The following GALNT9 variants were observed in gnomAD, a reference collection of about 807,000 sequenced individuals.
GALNT9 encodes the protein GalNAc transferase 9.
Under a neutral mutation model 63.1 loss-of-function variants are expected in GALNT9, and 47 were observed. That is an observed-to-expected ratio of 0.75 (90% CI 0.59 to 0.95). The LOEUF is 0.95. Ranked by LOEUF, GALNT9 falls within the 40% of genes least tolerant of loss-of-function variation. The pLI is 0.00. For missense variants in GALNT9, 829 were observed against 874.8 expected, an observed-to-expected ratio of 0.95 and a Z score of 0.66; for synonymous variants, 396 against 365.7, an observed-to-expected ratio of 1.08 and a Z score of -0.94.
intron 1 of GALNT9, among the ~76,000 whole-genome samples, chr12:132,307,992 C>T (rs1389487360): frequency 6.6e-6 from 1 of 151,632 alleles, no homozygotes; most frequent in Non-Finnish European, 1.5e-5. Flanking sequence ...GCTATGATCA[C>T]GCCACTGCAC....
chr12:132,239,737 GAGAGAC>G (rs1236123933), intron 6 of GALNT9, among the ~76,000 whole-genome samples: 3 of 152,086 alleles, frequency 2.0e-5, no homozygotes, highest in African/African-American at 2.4e-5. Context: ...AAAAGACTGG[GAGAGAC>G]AGAGACAGAG....
chr12:132,231,040 C>G (rs1469843207), intron 6 of GALNT9, among the ~76,000 whole-genome samples: 6 of 139,758 alleles, frequency 4.3e-5, no homozygotes, highest in African/African-American at 1.7e-4. Context: ...GATGGGGCGA[C>G]AGAGGAGACA....
At chr12:132,226,601 A>C (rs2135523891) in intron 6 of GALNT9, among the ~76,000 whole-genome samples, 1 of 131,490 alleles carries the variant, frequency 7.6e-6, no homozygotes, top group South Asian at 2.5e-4. Flanking sequence ...CACACCACAC[A>C]CCCCACACCC....
intron 1 of GALNT9, among the ~76,000 whole-genome samples, chr12:132,305,047 G>A (rs1275983909): frequency 1.6e-5 from 1 of 62,346 alleles, no homozygotes; most frequent in African/African-American, 8.5e-5. Flanking sequence ...ACCCTCACCC[G>A]GGCACAGAAT....
At position 132,245,703 on chromosome 12, in the gene GALNT9, G is replaced by A. The variant is rs942802890; in HGVS notation, c.1077+2207C>T. Among the ~76,000 whole-genome samples the A allele has an allele frequency of 2.0e-5, 3 of 152,220 alleles. No individual in the cohort carries two copies. Among genetic ancestry groups the A allele is most frequent in the African/African-American group, 4.8e-5 (2 of 41,456 alleles). ...CACCACACAGGTTCGCTGTCGTCCC[G>A]GCTTTGCTCTGAGCCTGAGCCTGGG... On this transcript the variant is annotated intron_variant, in intron 6 of 10. Coordinates refer to ENST00000328957, the MANE Select transcript of GALNT9 (RefSeq NM_001122636.2). This position sits in a 1 kb window ranked among gnomAD's most constrained non-coding sequence, Gnocchi z 6.3.
chr12:132,313,805 T>TCCACCCATCCACCCACCCACCCACCCAC (rs1881913627), intron 1 of GALNT9, among the ~76,000 whole-genome samples: 1 of 38,232 alleles, frequency 2.6e-5, no homozygotes, highest in African/African-American at 1.1e-4. Flanking sequence ...CACCCACCCA[T>TCCACCCATCCACCCACCCACCCACCCAC]CCACCCATCC....
chr12:132,213,119 T>A (rs867181322), intron 6 of GALNT9, among the ~76,000 whole-genome samples: 2 of 15,168 alleles, frequency 1.3e-4, no homozygotes, highest in African/African-American at 2.1e-4. Flanking sequence ...CCTTCAGACC[T>A]CGACACGGAA....
rs2135587900 is a variant in GALNT9, at chr12:132,316,270, T to G, written c.238+12696A>C. On this transcript the variant is annotated intron_variant, in intron 1 of 10. Transcript: ENST00000328957. This position sits in a 1 kb window ranked among gnomAD's most constrained non-coding sequence, Gnocchi z 4.3. ...CGACCTGCAAAGGGGGGTGCCATGA[T>G]TCTCTACCATACAGCCTGTGGGTTC... 6.6e-6 allele frequency among the ~76,000 whole-genome samples: 1 copy of G among 152,154 alleles called. No homozygotes were observed. The highest frequency in any genetic ancestry group is 1.9e-4 in the East Asian group (1 of 5,172).
chr12:132,312,035 T>C (rs1593120972), intron 1 of GALNT9, among the ~76,000 whole-genome samples: 1 of 152,230 alleles, frequency 6.6e-6, no homozygotes, highest in East Asian at 1.9e-4. Context: ...TTATCCACTC[T>C]CTCCAAATAC....
chr12:132,276,918 C>A (rs1370554479), intron 2 of GALNT9, among the ~76,000 whole-genome samples: 1 of 152,012 alleles, frequency 6.6e-6, no homozygotes, highest in Non-Finnish European at 1.5e-5. Flanking sequence ...GCACACATGT[C>A]CACACATGCA....
chr12:132,302,960 A>ACCGTCTACAGGGGGGCGAGGG (rs2135575788), intron 1 of GALNT9, among the ~76,000 whole-genome samples: 1 of 131,908 alleles, frequency 7.6e-6, no homozygotes, highest in South Asian at 2.5e-4. Flanking sequence ...CACTCCGGTG[A>ACCGTCTACAGGGGGGCGAGGG]CCGTCTAAGG....
intron 1 of GALNT9, among the ~76,000 whole-genome samples, chr12:132,308,781 A>G (rs28704505): frequency 0.8 from 121,541 of 152,212 alleles, 48,698 homozygotes; most frequent in East Asian, 1. Flanking sequence ...CCAGGCTGAG[A>G]CTCCTGGGCC....
At chr12:132,318,119 G>A (rs1335951087) in intron 1 of GALNT9, among the ~76,000 whole-genome samples, 3 of 152,206 alleles carry the variant, frequency 2.0e-5, no homozygotes, top group Non-Finnish European at 2.9e-5. Context: ...GTGAGCACCT[G>A]TAATCCCAGC....
chr12:132,201,113 G>C lies in GALNT9; in HGVS notation c.1401+11C>G. The C allele has an allele frequency of 6.2e-7, 1 of 1,611,682 alleles. No homozygotes were observed. The highest frequency in any genetic ancestry group is 1.1e-5 in the South Asian group (1 of 90,644). Reference sequence around the variant, plus strand: ...TGTCGGGCCGAACGGGGCCCTCGGGGGAGGTGCTACCTCTCCGTACGTGAG... The same window carrying C: ...TGTCGGGCCGAACGGGGCCCTCGGGCGAGGTGCTACCTCTCCGTACGTGAG... On this transcript the variant is annotated intron_variant, in intron 8 of 10. Coordinates refer to ENST00000328957, the MANE Select transcript of GALNT9 (RefSeq NM_001122636.2).
At chr12:132,264,246 C>T (rs750092351) in intron 2 of GALNT9, among the ~76,000 whole-genome samples, 1 of 152,206 alleles carries the variant, frequency 6.6e-6, no homozygotes, top group Non-Finnish European at 1.5e-5. Context: ...GAGAGATGGA[C>T]GCAGAGGCCC....
chr12:132,318,718 C>T lies in GALNT9; in HGVS notation c.238+10248G>A, dbSNP rs151003181. On this transcript the variant is annotated intron_variant, in intron 1 of 10. Coordinates refer to ENST00000328957, the MANE Select transcript of GALNT9 (RefSeq NM_001122636.2). ...TTGATGCACAGTGCACGCCGTGGGC[C>T]GCCTGCCCTCCTCTCGTCTGCCTGG... Among the ~76,000 whole-genome samples the T allele has an allele frequency of 5.6e-4, 85 of 152,348 alleles. 1 individual carries two copies. The highest frequency in any genetic ancestry group is 2.9e-3 in the South Asian group (14 of 4,830).
intron 1 of GALNT9, among the ~76,000 whole-genome samples, chr12:132,308,601 C>T (rs1555244862): frequency 6.6e-6 from 1 of 152,150 alleles, no homozygotes; most frequent in African/African-American, 2.4e-5. Flanking sequence ...GTGGGAGGGA[C>T]CCTCGACCGC....
At chr12:132,300,737 A>G (rs997482188) in intron 1 of GALNT9, among the ~76,000 whole-genome samples, 16 of 147,486 alleles carry the variant, frequency 1.1e-4, no homozygotes, top group African/African-American at 3.3e-4. Context: ...TCCCTGAGAT[A>G]ACCAAGCCAC....
At chr12:132,224,969 C>A (rs1877592618) in intron 6 of GALNT9, among the ~76,000 whole-genome samples, 1 of 149,910 alleles carries the variant, frequency 6.7e-6, no homozygotes, top group East Asian at 2.0e-4. Context: ...ATACACACCC[C>A]ACACACATAC....
Sources: allele counts gnomAD v4.1 joint callset (sites outside exome capture counted in the v4.1 genomes callset), GRCh38; gene constraint gnomAD v4.1.1; non-coding constraint Gnocchi (gnomAD v3.1); transcripts MANE v1.5; gene names NCBI Gene and HGNC (gene_info 2026-07-23, HGNC 2026-07-21).